RANBP2: variants seen among roughly 807,000 people sequenced by gnomAD.
RANBP2 encodes RAN binding protein 2, also known as E3 SUMO-protein ligase RanBP2.
RANBP2 carries 57 observed loss-of-function variants against 303.6 expected under a neutral mutation model. That is an observed-to-expected ratio of 0.19 (90% CI 0.15 to 0.23). The LOEUF (loss-of-function observed/expected upper bound fraction) is 0.23. Ranked by LOEUF, RANBP2 falls within the 10% of genes least tolerant of loss-of-function variation. The pLI is 1.00. For synonymous variants in RANBP2, 1,167 were observed against 1,301.5 expected, an observed-to-expected ratio of 0.90 and a Z score of 2.23; for missense variants, 3,138 against 3,780.8, an observed-to-expected ratio of 0.83 and a Z score of 4.46.
chr2:109,614,749 C>T, the RANBP2 span: 6 of 1,482,598 alleles, frequency 4.0e-6, no homozygotes, highest in African/African-American at 4.4e-5. Flanking sequence ...TGTGAAGGGC[C>T]GTCCGAGCCC....
At chr2:109,222,955 T>TCC in the RANBP2 span, among the ~76,000 whole-genome samples, 1 of 152,158 alleles carries the variant, frequency 6.6e-6, no homozygotes, top group East Asian at 1.9e-4. Context: ...GGGGCTACGG[T>TCC]CCCCATACTC....
the RANBP2 span, among the ~76,000 whole-genome samples, chr2:109,595,675 G>A: frequency 6.6e-6 from 1 of 152,158 alleles, no homozygotes; most frequent in Non-Finnish European, 1.5e-5. Context: ...AACACCAGAA[G>A]GCAGAATTTC....
At chr2:108,804,680 T>A in the RANBP2 span, among the ~76,000 whole-genome samples, 6 of 152,212 alleles carry the variant, frequency 3.9e-5, no homozygotes, top group African/African-American at 1.2e-4. Flanking sequence ...ATAAGTATGT[T>A]GTAAATGCCT....
At chr2:109,254,985 T>G in the RANBP2 span, among the ~76,000 whole-genome samples, 3 of 152,196 alleles carry the variant, frequency 2.0e-5, no homozygotes, top group Non-Finnish European at 4.4e-5. Context: ...TGGTTCAGGT[T>G]AGGTTACTCC....
chr2:109,302,398 A>G, the RANBP2 span, among the ~76,000 whole-genome samples: 1 of 152,248 alleles, frequency 6.6e-6, no homozygotes, highest in Non-Finnish European at 1.5e-5. Flanking sequence ...GACCATACCC[A>G]AACACAGAAC....
the RANBP2 span, among the ~76,000 whole-genome samples, chr2:109,631,153 A>T: frequency 6.6e-6 from 1 of 152,288 alleles, no homozygotes; most frequent in South Asian, 2.1e-4. Flanking sequence ...AACAGACATG[A>T]TATCATTGCT....
chr2:109,040,050 T>C, the RANBP2 span, among the ~76,000 whole-genome samples: 1 of 152,204 alleles, frequency 6.6e-6, no homozygotes, highest in Non-Finnish European at 1.5e-5. Flanking sequence ...GTTATTTTTC[T>C]ATCTATATCA....
At chr2:109,457,999 C>T in the RANBP2 span, among the ~76,000 whole-genome samples, 2 of 152,114 alleles carry the variant, frequency 1.3e-5, no homozygotes, top group African/African-American at 4.8e-5. Flanking sequence ...GTGCTGGGTT[C>T]GGCATTCTAT....
At chr2:109,462,678 TCTCTCCA>T in the RANBP2 span, among the ~76,000 whole-genome samples, 1 of 152,198 alleles carries the variant, frequency 6.6e-6, no homozygotes, top group Non-Finnish European at 1.5e-5. Flanking sequence ...ATAACAGCCC[TCTCTCCA>T]CAGGTCAGGA....
the RANBP2 span, among the ~76,000 whole-genome samples, chr2:109,169,468 G>A: frequency 3.4e-4 from 51 of 152,172 alleles, no homozygotes; most frequent in African/African-American, 1.2e-3. Flanking sequence ...TGAATTGTCG[G>A]GGAGGAAGCT....
chr2:109,113,561 A>G, the RANBP2 span, among the ~76,000 whole-genome samples: 1 of 152,226 alleles, frequency 6.6e-6, no homozygotes, highest in Admixed American at 6.5e-5. Context: ...TTCTAGATAT[A>G]CAATCATGTC....
the RANBP2 span, among the ~76,000 whole-genome samples, chr2:109,267,362 G>T: frequency 6.6e-6 from 1 of 152,174 alleles, no homozygotes; most frequent in East Asian, 1.9e-4. Flanking sequence ...GACCCCAAAG[G>T]TGATCACTGT....
the RANBP2 span, among the ~76,000 whole-genome samples, chr2:108,966,499 A>T: frequency 2.6e-5 from 4 of 152,220 alleles, no homozygotes; most frequent in Non-Finnish European, 5.9e-5. Flanking sequence ...GTGGGGTCAG[A>T]GCCTGTGGTC....
the RANBP2 span, among the ~76,000 whole-genome samples, chr2:109,030,719 T>C: frequency 6.6e-6 from 1 of 152,144 alleles, no homozygotes; most frequent in Admixed American, 6.5e-5. Flanking sequence ...ACCCACTTCT[T>C]ATCCAGGTTC....
At chr2:108,941,304 T>C in the RANBP2 span, among the ~76,000 whole-genome samples, 1 of 152,234 alleles carries the variant, frequency 6.6e-6, no homozygotes, top group Non-Finnish European at 1.5e-5. Flanking sequence ...TGGGCAGTCC[T>C]GACCTTGCTT....
At chr2:108,788,883 TG>T (rs757877750), downstream of RANBP2, 78 of 1,613,892 alleles carry the variant, frequency 4.8e-5, no homozygotes, top group Non-Finnish European at 6.5e-5. Flanking sequence ...GAGATAAAGT[TG>T]GTTCATCGTT....
the RANBP2 span, among the ~76,000 whole-genome samples, chr2:109,226,204 C>T: frequency 1.3e-5 from 2 of 152,188 alleles, no homozygotes; most frequent in Non-Finnish European, 2.9e-5. Context: ...CTCTGCTTGT[C>T]AACATCTGCA....
At chr2:109,066,376 G>A in the RANBP2 span, among the ~76,000 whole-genome samples, 1 of 152,138 alleles carries the variant, frequency 6.6e-6, no homozygotes, top group Non-Finnish European at 1.5e-5. Flanking sequence ...CAAAGTGCTG[G>A]GATTATAGGC....
chr2:108,729,251 C>T (rs760103658), intron 2 of RANBP2, 52 bp downstream of exon 2: 38 of 1,517,760 alleles, frequency 2.5e-5, no homozygotes, highest in Non-Finnish European at 3.4e-5. Context: ...TGCCTTTTCT[C>T]ATTTTCTTCT....
Sources: allele counts gnomAD v4.1 joint callset (sites outside exome capture counted in the v4.1 genomes callset), GRCh38; gene constraint gnomAD v4.1.1; transcripts MANE v1.5; gene names NCBI Gene and HGNC (gene_info 2026-07-23, HGNC 2026-07-21).